Variants in ADAMTS5 observed in about 807,000 individuals in gnomAD.
The protein encoded by ADAMTS5 is ADAM metallopeptidase with thrombospondin type 1 motif 5.
A neutral mutation model predicts 81.4 loss-of-function variants in ADAMTS5; 54 were observed. The ratio of observed to expected loss-of-function variants is 0.66; its 90% CI spans 0.53 to 0.83. ADAMTS5 has a LOEUF of 0.83. ADAMTS5 is among the 40% of genes least tolerant of loss of function. ADAMTS5 has a pLI of 0.00. For synonymous variants in ADAMTS5, 532 were observed against 508.8 expected, an observed-to-expected ratio of 1.05 and a Z score of -0.61; for missense variants, 1,194 against 1,229.9, an observed-to-expected ratio of 0.97 and a Z score of 0.44.
chr21:26,956,686 A>G (rs146988140), intron 1 of ADAMTS5, among the ~76,000 whole-genome samples: 1 of 152,292 alleles, frequency 6.6e-6, no homozygotes, highest in East Asian at 1.9e-4. Context: ...ATTTATGTTT[A>G]TATCACAATT....
chr21:26,966,334 C>T lies in ADAMTS5; in HGVS notation c.58G>A (p.Val20Ile). 1.3e-6 allele frequency: 2 copies of T among 1,507,120 alleles called. No homozygotes were observed. Among genetic ancestry groups the T allele is most frequent in the Non-Finnish European group, 1.8e-6 (2 of 1,136,444 alleles). 93.4% of individuals were successfully genotyped at this position (1,507,120 alleles called of 1,614,324 possible). ...LCAFRLPLAA[V>I]GPAATPAQDK... ...TGGGCAGGTGTCGCGGCGGGGCCGA[C>T]CGCGGCCAGGGGCAGGCGGAACGCG... The change falls in exon 1 of 8, where the codon GTC (valine) becomes ATC (isoleucine). Residue 20 changes from valine (V) to isoleucine (I), a missense_variant. This residue lies in a region of ADAMTS5 where 498 missense variants were observed against 412.3 expected (regional missense o/e 1.21). Transcript: ENST00000284987.
In ADAMTS5 at chr21:26,966,335, C is replaced by G. The variant is rs987006846; in HGVS notation, c.57G>C (p.Ala19=). 4.0e-6 allele frequency: 6 copies of G among 1,506,740 alleles called. No individual in the cohort carries two copies. The highest frequency in any genetic ancestry group is 2.1e-5 in the Admixed American group (1 of 47,158). The allele number at this position is 1,506,740 out of a possible 1,614,324, so 93.3% of individuals were successfully genotyped here. ...LLCAFRLPLA[A]VGPAATPAQD... The stretch of plus-strand genomic sequence containing the variant: ...GGGCAGGTGTCGCGGCGGGGCCGAC[C>G]GCGGCCAGGGGCAGGCGGAACGCGC... Residue 19 remains alanine, a synonymous_variant, in exon 1 of 8, where the codon GCG becomes GCC. Transcript: ENST00000284987.
At position 26,923,701 on chromosome 21, in the gene ADAMTS5, T is replaced by C. The variant is rs1000641170; in HGVS notation, c.*352A>G. 3 of 199,656 alleles carry C rather than the reference T, an allele frequency of 1.5e-5. No homozygotes were observed. Among genetic ancestry groups the C allele is most frequent in the Non-Finnish European group, 3.1e-5 (3 of 95,968 alleles). The allele number at this position is 199,656 out of a possible 1,614,324, so 12.4% of individuals were successfully genotyped here. A position where few individuals can be genotyped will look rare whatever the true frequency, so the allele number is the denominator to read the frequency against. ...AGAAGAAGCTACTGTGTATTATGGG[T>C]GAAAATGATTATGATACCATTAAAG... On this transcript the variant is annotated 3_prime_UTR_variant, in exon 8 of 8. Coordinates refer to ENST00000284987, the MANE Select transcript of ADAMTS5 (RefSeq NM_007038.5).
chr21:26,921,815 A>G lies in ADAMTS5; in HGVS notation c.*2238T>C, dbSNP rs56153501. On this transcript the variant is annotated 3_prime_UTR_variant, in exon 8 of 8. Coordinates refer to ENST00000284987, the MANE Select transcript of ADAMTS5 (RefSeq NM_007038.5). Reference sequence around the variant, plus strand: ...GACAGGTGTAAACCATCACTATTTGAGGGAAACATGAATCATTGATAAACC... The same window carrying G: ...GACAGGTGTAAACCATCACTATTTGGGGGAAACATGAATCATTGATAAACC... 0.088 allele frequency: 13,344 copies of G among 152,500 alleles called. 1,099 individuals carry two copies. The highest frequency in any genetic ancestry group is 0.21 in the African/African-American group (8,644 of 41,480). The allele number at this position is 152,500 out of a possible 1,614,324, so 9.4% of individuals were successfully genotyped here.
intron 3 of ADAMTS5, among the ~76,000 whole-genome samples, chr21:26,940,244 C>G (rs560668459): frequency 6.6e-6 from 1 of 152,240 alleles, no homozygotes; most frequent in Non-Finnish European, 1.5e-5. Context: ...TTATAATGTA[C>G]TCTTTAGGTA....
chr21:26,925,354 G>A (rs903079150), intron 7 of ADAMTS5, among the ~76,000 whole-genome samples: 4 of 152,140 alleles, frequency 2.6e-5, no homozygotes, highest in African/African-American at 9.7e-5. Flanking sequence ...CATCATAAAA[G>A]GGGAATTTTT....
intron 2 of ADAMTS5, chr21:26,953,908 A>G (rs1008737641): frequency 1.3e-5 from 2 of 154,052 alleles, no homozygotes; most frequent in African/African-American, 4.8e-5. Context: ...AGAGAGTTTA[A>G]ATAATTAGAC....
chr21:26,925,027 C>T lies in ADAMTS5; in HGVS notation c.2226-407G>A, dbSNP rs560474626. ...TGACAAAAATATGCCTTCACTTAAT[C>T]TCACATAATTCTTTAATATTTCTCA... On this transcript the variant is annotated intron_variant, in intron 7 of 7. Transcript: ENST00000284987. Among the ~76,000 whole-genome samples, 4 of 152,300 alleles carry T rather than the reference C, an allele frequency of 2.6e-5. No homozygotes were observed. The South Asian group carries it at 8.3e-4, about 32-fold the overall frequency.
At chr21:26,943,273 C>G (rs1301495951) in intron 3 of ADAMTS5, 107 bp downstream of exon 3, 1 of 1,144,492 alleles carries the variant, frequency 8.7e-7, no homozygotes, top group East Asian at 2.6e-5. Flanking sequence ...ATCCACACAA[C>G]TATTGTCTTA....
At chr21:26,943,027 T>G (rs1273598303) in intron 3 of ADAMTS5, among the ~76,000 whole-genome samples, 1 of 152,122 alleles carries the variant, frequency 6.6e-6, no homozygotes, top group African/African-American at 2.4e-5. Context: ...AGAGTCATAT[T>G]AATAGCAGGG....
intron 2 of ADAMTS5, among the ~76,000 whole-genome samples, chr21:26,954,475 G>A (rs538772673): frequency 6.6e-6 from 1 of 152,304 alleles, no homozygotes; most frequent in Non-Finnish European, 1.5e-5. Context: ...TGCTTAAAAA[G>A]ATAGTAAGAA....
rs1374946569 is a variant in ADAMTS5, at chr21:26,965,352, T to C, written c.1040A>G (p.Gln347Arg). Reference protein sequence around the residue: ...TLKNFCKWQHQHNQLGDDHEE... With the variant: ...TLKNFCKWQHRHNQLGDDHEE... ...ATGGTCATCTCCCAGCTGGTTGTGT[T>C]GGTGCTGCCACTTGCAAAAGTTCTT... The change falls in exon 1 of 8, where the codon CAA (glutamine) becomes CGA (arginine). Residue 347 changes from glutamine (Q) to arginine (R), a missense_variant. Physicochemically the swap from Gln to Arg is conservative, Grantham distance 43. Around this residue, in one of 2 missense-constraint regions of ADAMTS5, gnomAD observed 696 missense variants for 817.6 expected, o/e 0.85. Transcript: ENST00000284987. The C allele has an allele frequency of 1.2e-6, 2 of 1,614,132 alleles. No homozygotes were observed. Among genetic ancestry groups the C allele is most frequent in the Non-Finnish European group, 1.7e-6 (2 of 1,180,048 alleles).
At chr21:26,963,250 T>A (rs1472114221) in intron 1 of ADAMTS5, among the ~76,000 whole-genome samples, 1 of 151,970 alleles carries the variant, frequency 6.6e-6, no homozygotes, top group African/African-American at 2.4e-5. Flanking sequence ...CTATTTAAAA[T>A]ATGCTGTTAA....
chr21:26,963,898 G>C (rs928601421), intron 1 of ADAMTS5, among the ~76,000 whole-genome samples: 6 of 152,092 alleles, frequency 3.9e-5, no homozygotes, highest in Admixed American at 3.3e-4. Context: ...CCGCCCTCCA[G>C]CATCTTTGTT....
rs1375168188 is a variant in ADAMTS5 at position 26,940,819 on chromosome 21, T to C, written c.1405+2561A>G. On this transcript the variant is annotated intron_variant, in intron 3 of 7. Coordinates refer to ENST00000284987, the MANE Select transcript of ADAMTS5 (RefSeq NM_007038.5). ...CTTCTTAGTTCTCTCCCATGCTCTG[T>C]AGTTGAAATGTTAGCACCTCAATCA... Among the ~76,000 whole-genome samples the C allele has an allele frequency of 2.6e-5, 4 of 152,290 alleles. No individual in the cohort carries two copies. The South Asian group carries it at 6.2e-4, about 24-fold the overall frequency.
At chr21:26,930,609 G>A (rs1015396641) in intron 6 of ADAMTS5, among the ~76,000 whole-genome samples, 2 of 152,186 alleles carry the variant, frequency 1.3e-5, no homozygotes, top group African/African-American at 4.8e-5. Context: ...GTCTGGGGAA[G>A]TTAGATGAAC....
chr21:26,927,529 G>A (rs229088), intron 7 of ADAMTS5, among the ~76,000 whole-genome samples: 38,851 of 152,120 alleles, frequency 0.26, 5,761 homozygotes, highest in Non-Finnish European at 0.33. Context: ...TTTGAAGTGC[G>A]AGAAAGTGCA....
chr21:26,936,211 A>C (rs1054511050), intron 3 of ADAMTS5, among the ~76,000 whole-genome samples: 3 of 152,214 alleles, frequency 2.0e-5, no homozygotes, highest in African/African-American at 7.2e-5. Flanking sequence ...AGAAACACCC[A>C]GTCTGAAGTC....
In ADAMTS5 at chr21:26,929,134, C is replaced by T. The variant is rs9983696; in HGVS notation, c.2225+752G>A. Among the ~76,000 whole-genome samples the T allele has an allele frequency of 5.3e-5, 8 of 152,150 alleles. 1 individual carries two copies. The highest frequency in any genetic ancestry group is 7.4e-5 in the Non-Finnish European group (5 of 67,990). On this transcript the variant is annotated intron_variant, in intron 7 of 7. Transcript: ENST00000284987. ...TTTTAATAAATCCTATTGTTAATTT[C>T]GTTTGCATATTACTCTCAAGTTACA...
Sources: gnomAD v4.1 joint callset for allele counts (sites outside exome capture counted in the v4.1 genomes callset) on GRCh38, gnomAD v4.1.1 for gene constraint, gnomAD v4.1.1 regional missense constraint, MANE v1.5 for transcripts, NCBI Gene and HGNC (gene_info 2026-07-23, HGNC 2026-07-21) for gene names.